Variants in CC2D2B observed in about 807,000 individuals in gnomAD.
CC2D2B encodes protein CC2D2B.
CC2D2B carries 128 observed loss-of-function variants against 161.2 expected under a neutral mutation model. The observed-to-expected ratio is 0.79, with a 90% CI of 0.69 to 0.92. CC2D2B has a LOEUF of 0.92. Ranked by LOEUF, CC2D2B falls within the 40% of genes least tolerant of loss-of-function variation. The probability of loss-of-function intolerance (pLI) is 0.00; values close to 1 mark genes in which losing one functional copy is unlikely to be tolerated. For missense variants in CC2D2B, 1,173 were observed against 1,375.1 expected, an observed-to-expected ratio of 0.85 and a Z score of 2.32; for synonymous variants, 391 against 449.8, an observed-to-expected ratio of 0.87 and a Z score of 1.65.
At chr10:96,029,241 CATATATATATATATATATATATATATAT>C (rs56195141) in intron 34 of CC2D2B, among the ~76,000 whole-genome samples, 12 of 67,174 alleles carry the variant, frequency 1.8e-4, no homozygotes, top group South Asian at 6.1e-4. Context: ...TTTCATGTAC[CATATATATATATATATATATATATATAT>C]ATATATATAT....
At chr10:95,922,566 A>G (rs944549127) in intron 3 of CC2D2B, among the ~76,000 whole-genome samples, 1 of 152,232 alleles carries the variant, frequency 6.6e-6, no homozygotes, top group Admixed American at 6.5e-5. Context: ...CTCATGACCT[A>G]TAGTTAGTTA....
intron 32 of CC2D2B, among the ~76,000 whole-genome samples, chr10:96,023,887 C>T (rs1028373618): frequency 2.0e-5 from 3 of 152,138 alleles, no homozygotes; most frequent in Non-Finnish European, 2.9e-5. Context: ...AACAAGTTCC[C>T]GGATGTGAGG....
chr10:95,930,384 T>C (rs1217852824), intron 6 of CC2D2B, among the ~76,000 whole-genome samples: 2 of 152,230 alleles, frequency 1.3e-5, no homozygotes, highest in Non-Finnish European at 2.9e-5. Context: ...GAATACCCTT[T>C]ATTTCTTTCT....
intron 19 of CC2D2B, among the ~76,000 whole-genome samples, chr10:95,987,647 A>G (rs1470541973): frequency 6.6e-6 from 1 of 152,296 alleles, no homozygotes; most frequent in Admixed American, 6.5e-5. Context: ...TCTTATACTG[A>G]CTATATATGT....
intron 17 of CC2D2B, among the ~76,000 whole-genome samples, chr10:95,977,797 A>G (rs971503360): frequency 6.6e-6 from 1 of 152,188 alleles, no homozygotes; most frequent in Admixed American, 6.5e-5. Flanking sequence ...ATTGCTATTT[A>G]TAAGTCTGCT....
chr10:96,009,997 A>T, intron 26 of CC2D2B, 74 bp downstream of exon 26: 1 of 862,966 alleles, frequency 1.2e-6, no homozygotes, highest in East Asian at 2.5e-5. Flanking sequence ...GTTGTCTTTG[A>T]ATCAGACTCT....
At chr10:95,986,215 A>G (rs1216192445) in intron 19 of CC2D2B, among the ~76,000 whole-genome samples, 1 of 150,240 alleles carries the variant, frequency 6.7e-6, no homozygotes, top group Non-Finnish European at 1.5e-5. Flanking sequence ...GGCATCACGG[A>G]ACCTGCCAAC....
At chr10:96,023,587 G>A (rs1287114444) in intron 32 of CC2D2B, among the ~76,000 whole-genome samples, 1 of 152,230 alleles carries the variant, frequency 6.6e-6, no homozygotes, top group East Asian at 1.9e-4. Context: ...GACAGCCGTT[G>A]GTGACAGTAA....
intron 17 of CC2D2B, among the ~76,000 whole-genome samples, chr10:95,975,402 G>A (rs1295713167): frequency 1.3e-5 from 2 of 152,124 alleles, no homozygotes; most frequent in East Asian, 1.9e-4. Flanking sequence ...TGGTATGGAC[G>A]AAACTGACAT....
chr10:95,941,990 T>C (rs2141288432), intron 9 of CC2D2B, among the ~76,000 whole-genome samples: 1 of 152,290 alleles, frequency 6.6e-6, no homozygotes, highest in Non-Finnish European at 1.5e-5. Flanking sequence ...TATGTAGCCA[T>C]AAATAATAAA....
At chr10:96,002,059 G>A (rs1431954538) in intron 24 of CC2D2B, among the ~76,000 whole-genome samples, 6 of 152,290 alleles carry the variant, frequency 3.9e-5, no homozygotes, top group Non-Finnish European at 8.8e-5. Context: ...GAATATTAAT[G>A]TAGACATTAG....
At chr10:95,961,079 C>G (rs1251778348) in intron 11 of CC2D2B, among the ~76,000 whole-genome samples, 1 of 152,184 alleles carries the variant, frequency 6.6e-6, no homozygotes, top group Non-Finnish European at 1.5e-5. Flanking sequence ...TGGTTTGCAT[C>G]TTCTTTTTTG....
At chr10:95,970,387 G>A (rs1179956313) in intron 15 of CC2D2B, among the ~76,000 whole-genome samples, 1 of 152,086 alleles carries the variant, frequency 6.6e-6, no homozygotes, top group Non-Finnish European at 1.5e-5. Context: ...CAGCCAAACT[G>A]AGCTGCTTGT....
chr10:96,024,769 C>T (rs2079619904), intron 32 of CC2D2B, 84 bp from the exon 33 acceptor site: 10 of 748,642 alleles, frequency 1.3e-5, no homozygotes, highest in East Asian at 3.1e-5. Flanking sequence ...TTGTCTTCCT[C>T]CTTATTATAG....
chr10:96,012,107 G>A, intron 26 of CC2D2B, 78 bp from the exon 27 acceptor site: 1 of 553,392 alleles, frequency 1.8e-6, no homozygotes, highest in Non-Finnish European at 3.2e-6. Flanking sequence ...GTGATGGAGT[G>A]GACTCTGCTG....
At chr10:96,025,176 T>A (rs1396364238) in intron 33 of CC2D2B, among the ~76,000 whole-genome samples, 201 of 10,226 alleles carry the variant, frequency 0.02, 5 homozygotes, top group African/African-American at 0.051. Flanking sequence ...TATATATATA[T>A]ATATATATAA....
At chr10:95,927,609 G>A (rs115182825) in intron 6 of CC2D2B, among the ~76,000 whole-genome samples, 5,732 of 151,910 alleles carry the variant, frequency 0.038, 155 homozygotes, top group African/African-American at 0.08. Flanking sequence ...TACAGGTAAC[G>A]AAAATCAAGC....
intron 5 of CC2D2B, among the ~76,000 whole-genome samples, chr10:95,926,047 A>C (rs1019923967): frequency 2.0e-5 from 3 of 152,136 alleles, no homozygotes; most frequent in African/African-American, 7.2e-5. Flanking sequence ...TCCTCAACAG[A>C]GCACCTCTTA....
At chr10:96,013,512 A>G (rs1484586918) in intron 28 of CC2D2B, among the ~76,000 whole-genome samples, 2 of 151,278 alleles carry the variant, frequency 1.3e-5, no homozygotes, top group Non-Finnish European at 2.9e-5. Flanking sequence ...TACTAAATAA[A>G]TAAATATAAA....
Sources: allele counts gnomAD v4.1 joint callset (sites outside exome capture counted in the v4.1 genomes callset), GRCh38; gene constraint gnomAD v4.1.1; transcripts MANE v1.5; gene names NCBI Gene and HGNC (gene_info 2026-07-23, HGNC 2026-07-21).